IFT140: variants seen among roughly 807,000 people sequenced by gnomAD.
The protein encoded by IFT140 is intraflagellar transport 140.
Under a neutral mutation model 164.6 loss-of-function variants are expected in IFT140, and 133 were observed. That is an observed-to-expected ratio of 0.81 (90% CI 0.70 to 0.93). The LOEUF (loss-of-function observed/expected upper bound fraction) is 0.93, where lower values mean the gene tolerates loss of function less well. IFT140 is among the 40% of genes least tolerant of loss of function. The probability of loss-of-function intolerance (pLI) is 0.00; values close to 1 mark genes in which losing one functional copy is unlikely to be tolerated. For synonymous variants in IFT140, 860 were observed against 817.3 expected (o/e 1.05, Z -0.89); for missense variants, 2,045 against 1,972.3 (o/e 1.04, Z -0.70).
At chr16:1,562,210 C>A (rs774739583) in intron 17 of IFT140, 94 bp from the exon 18 acceptor site, 2 of 1,121,272 alleles carry the variant, frequency 1.8e-6, no homozygotes, top group Non-Finnish European at 2.4e-6. Flanking sequence ...CACTGCGTCA[C>A]GGTGGGGTCG....
chr16:1,596,667 T>G (rs1402740507), intron 4 of IFT140, among the ~76,000 whole-genome samples: 6 of 152,124 alleles, frequency 3.9e-5, no homozygotes, highest in Non-Finnish European at 8.8e-5. Flanking sequence ...CAGGACGCAA[T>G]GAGTCAAATA....
intron 19 of IFT140, among the ~76,000 whole-genome samples, chr16:1,546,437 C>A (rs987892002): frequency 6.6e-6 from 1 of 152,184 alleles, no homozygotes; most frequent in African/African-American, 2.4e-5. Context: ...CCTGGACGAG[C>A]CCCCCTTCCC....
intron 19 of IFT140, among the ~76,000 whole-genome samples, chr16:1,548,019 A>G (rs987486316): frequency 6.6e-6 from 1 of 152,168 alleles, no homozygotes; most frequent in Non-Finnish European, 1.5e-5. Flanking sequence ...CCCACTCCCC[A>G]GGCATCAGTT....
At chr16:1,535,409 C>G (rs765938208) in intron 19 of IFT140, among the ~76,000 whole-genome samples, 4 of 152,166 alleles carry the variant, frequency 2.6e-5, no homozygotes, top group Non-Finnish European at 4.4e-5. Context: ...TCCCAAAGGC[C>G]GACTCTCTGA....
intron 30 of IFT140, among the ~76,000 whole-genome samples, chr16:1,515,109 A>G (rs368443079): frequency 4.7e-4 from 72 of 152,282 alleles, no homozygotes; most frequent in African/African-American, 1.7e-3. Context: ...GATATGGAAG[A>G]CCTAACATTT....
At chr16:1,577,107 G>A (rs1052627802) in intron 13 of IFT140, 1 of 152,214 alleles carries the variant, frequency 6.6e-6, no homozygotes, top group African/African-American at 2.4e-5. Context: ...GGGGACCCAT[G>A]TGACATGCCA....
intron 10 of IFT140, 67 bp from the exon 11 acceptor site, chr16:1,584,487 G>T (rs2034761044): frequency 1.6e-6 from 2 of 1,276,512 alleles, no homozygotes; most frequent in Admixed American, 4.0e-5. Context: ...ATGCGGTCAG[G>T]AGAATACTTA....
rs751897595 is a variant in IFT140 at position 1,588,031 on chromosome 16, G to A, written c.811-7C>T. The A allele has an allele frequency of 1.5e-5, 25 of 1,613,116 alleles. No individual in the cohort carries two copies. The highest frequency in any genetic ancestry group is 1.7e-4 in the Middle Eastern group (1 of 6,056). ...TTTTCCCGCTCAGCTTGACCTGTGT[G>A]AGGAAACAACCGAGCAGAGGCACCG... On this transcript the variant is annotated splice_region_variant and splice_polypyrimidine_tract_variant and intron_variant, in intron 7 of 30. Transcript: ENST00000426508.
chr16:1,568,148 CAGG>C (rs1360547342), intron 15 of IFT140, 66 bp downstream of exon 15: 17 of 1,118,170 alleles, frequency 1.5e-5, no homozygotes, highest in Non-Finnish European at 2.0e-5. Context: ...CACGAGCAGG[CAGG>C]AGGCCTGGCC....
At chr16:1,583,521 C>G (rs1596408709) in intron 11 of IFT140, 135 bp from the exon 12 acceptor site, 1 of 657,460 alleles carries the variant, frequency 1.5e-6, no homozygotes, top group African/African-American at 1.8e-5. Flanking sequence ...ACTATGAGAT[C>G]ACTGGGTCCT....
At chr16:1,524,039 G>C (rs371075195) in intron 24 of IFT140, 83 bp from the exon 25 acceptor site, 1 of 1,524,478 alleles carries the variant, frequency 6.6e-7, no homozygotes, top group Non-Finnish European at 8.8e-7. Flanking sequence ...GGCCGGGTGC[G>C]AACCCGCCCC....
rs562158135 is a variant in IFT140 at position 1,564,807 on chromosome 16, G to A, written c.1902-645C>T. Among the ~76,000 whole-genome samples the A allele has an allele frequency of 1.6e-4, 24 of 152,300 alleles. No homozygotes were observed. The highest frequency in any genetic ancestry group is 2.2e-4 in the Non-Finnish European group (15 of 68,018). ...AGAGTGGGACCCTGCCGGGCAGCAC[G>A]ACCCATGGCTGCTGAAGAAGGACAG... On this transcript the variant is annotated intron_variant, in intron 16 of 30. Transcript: ENST00000426508. The surrounding 1 kb of genome is among the most constrained non-coding windows in gnomAD (Gnocchi z 5.5).
At chr16:1,585,282 T>G (rs1328289797) in intron 10 of IFT140, among the ~76,000 whole-genome samples, 1 of 152,190 alleles carries the variant, frequency 6.6e-6, no homozygotes, top group Non-Finnish European at 1.5e-5. Flanking sequence ...TGGAGGGGCC[T>G]TGAAACCTCA....
At chr16:1,528,256 A>G (rs2029938479) in intron 19 of IFT140, among the ~76,000 whole-genome samples, 1 of 152,022 alleles carries the variant, frequency 6.6e-6, no homozygotes. Flanking sequence ...CACTTCCTGA[A>G]TCTCTCTCCT....
At chr16:1,585,478 T>C (rs2034818407) in intron 10 of IFT140, among the ~76,000 whole-genome samples, 1 of 152,174 alleles carries the variant, frequency 6.6e-6, no homozygotes, top group Non-Finnish European at 1.5e-5. Context: ...TGTTCTAGAA[T>C]TCACTGCAGT....
chr16:1,606,238 G>T (rs868420370), intron 3 of IFT140, among the ~76,000 whole-genome samples: 1 of 152,242 alleles, frequency 6.6e-6, no homozygotes, highest in Admixed American at 6.5e-5. Context: ...GCGTGCAGGA[G>T]GGCACTGACA....
chr16:1,511,413 G>A (rs935607192), intron 30 of IFT140, among the ~76,000 whole-genome samples: 1 of 152,250 alleles, frequency 6.6e-6, no homozygotes, highest in Non-Finnish European at 1.5e-5. Flanking sequence ...TGCAGAGCCA[G>A]GGCCCTGGAA....
At chr16:1,600,760 A>G (rs577392712) in intron 4 of IFT140, among the ~76,000 whole-genome samples, 30 of 152,206 alleles carry the variant, frequency 2.0e-4, no homozygotes, top group Middle Eastern at 3.2e-3. Flanking sequence ...TCAGGAGACA[A>G]TGTCCTCTAC....
chr16:1,571,674 C>T lies in IFT140; in HGVS notation c.1525-140G>A, dbSNP rs547898387. 131 of 890,584 alleles carry T rather than the reference C, an allele frequency of 1.5e-4. No individual in the cohort carries two copies. The African/African-American group carries it at 2.1e-3, about 14-fold the overall frequency. 55.2% of individuals were successfully genotyped at this position (890,584 alleles called of 1,614,324 possible). Reference sequence around the variant, plus strand: ...TTCACAGATAACCTTGTACACTCCACTCATTCACTCGCTCAGTGTTTACTG... The same window carrying T: ...TTCACAGATAACCTTGTACACTCCATTCATTCACTCGCTCAGTGTTTACTG... On this transcript the variant is annotated intron_variant, in intron 13 of 30. Transcript: ENST00000426508.
Sources: allele counts gnomAD v4.1 joint callset (sites outside exome capture counted in the v4.1 genomes callset), GRCh38; gene constraint gnomAD v4.1.1; non-coding constraint Gnocchi (gnomAD v3.1); transcripts MANE v1.5; gene names NCBI Gene and HGNC (gene_info 2026-07-23, HGNC 2026-07-21).